SPPL2A: variants seen among roughly 807,000 people sequenced by gnomAD.
SPPL2A encodes signal peptide peptidase-like 2A.
SPPL2A carries 51 observed loss-of-function variants against 63.8 expected under a neutral mutation model. That is an observed-to-expected ratio of 0.80 (90% CI 0.64 to 1.01). The LOEUF (loss-of-function observed/expected upper bound fraction) is 1.01, where lower values mean the gene tolerates loss of function less well. Among genes scored for constraint, SPPL2A ranks in the 50% least tolerant of loss-of-function variants. SPPL2A has a pLI of 0.00. For missense variants in SPPL2A, 553 were observed against 622.7 expected (o/e 0.89, Z 1.19); for synonymous variants, 188 against 205.8 (o/e 0.91, Z 0.74).
chr15:50,749,661 G>T lies in SPPL2A; in HGVS notation c.152C>A (p.Ala51Asp). The part of the protein sequence containing the change: ...YCMLYNPYWT[A>D]LPSTLENATS... ...TGCATTTTCTAGGGTACTTGGAAGAGCTGTCCAATAAGGGTTATAAAGCAT... is the reference window on the plus strand; with the variant it reads ...TGCATTTTCTAGGGTACTTGGAAGATCTGTCCAATAAGGGTTATAAAGCAT... The change falls in exon 2 of 15, where the codon GCT becomes GAT. Residue 51 changes from alanine to aspartate, a missense_variant. Ala to Asp is a moderately radical substitution (Grantham distance 126). Coordinates refer to ENST00000261854, the MANE Select transcript of SPPL2A (RefSeq NM_032802.4). The T allele has an allele frequency of 6.2e-7, 1 of 1,604,524 alleles. No individual in the cohort carries two copies. The highest frequency in any genetic ancestry group is 8.5e-7 in the Non-Finnish European group (1 of 1,171,324).
At chr15:50,737,096 T>TA (rs1207765303) in intron 6 of SPPL2A, among the ~76,000 whole-genome samples, 2 of 152,064 alleles carry the variant, frequency 1.3e-5, no homozygotes, top group Non-Finnish European at 1.5e-5. Flanking sequence ...GTAGTTTTAG[T>TA]AGACGGGGTT....
rs544422967 is a variant in SPPL2A, at chr15:50,702,547, G to C, written c.*5253C>G. Reference sequence around the variant, plus strand: ...CATGTTTTAAAAAATGTTTTCATTTGAACAAAATGCAACAGAAGGTATAAA... The same window carrying C: ...CATGTTTTAAAAAATGTTTTCATTTCAACAAAATGCAACAGAAGGTATAAA... On this transcript the variant is annotated 3_prime_UTR_variant, in exon 15 of 15. Coordinates refer to ENST00000261854, the MANE Select transcript of SPPL2A (RefSeq NM_032802.4). The C allele has an allele frequency of 6.6e-6, 1 of 152,138 alleles. No homozygotes were observed. Among genetic ancestry groups the C allele is most frequent in the African/African-American group, 2.4e-5 (1 of 41,522 alleles). 9.4% of individuals were successfully genotyped at this position (152,138 alleles called of 1,614,324 possible). A position where few individuals can be genotyped will look rare whatever the true frequency, so the allele number is the denominator to read the frequency against.
chr15:50,736,278 A>C, intron 7 of SPPL2A, 76 bp from the exon 8 acceptor site: 1 of 863,338 alleles, frequency 1.2e-6, no homozygotes, highest in Non-Finnish European at 1.9e-6. Flanking sequence ...AGCAAATATT[A>C]ACCACAGTCA....
intron 11 of SPPL2A, chr15:50,725,611 A>G (rs1311631185): frequency 4.2e-6 from 1 of 239,314 alleles, no homozygotes; most frequent in Non-Finnish European, 8.2e-6. Context: ...TTCTGTTTTT[A>G]GTAGAGACAG....
rs142887229 is a variant in SPPL2A, at chr15:50,762,018, G to A, written c.66+3450C>T. ...GACTGCGTCCACACTGAGAAATAAAGTTCTGACCATTGTGACCCAGGGTCG... is the reference window on the plus strand; with the variant it reads ...GACTGCGTCCACACTGAGAAATAAAATTCTGACCATTGTGACCCAGGGTCG... On this transcript the variant is annotated intron_variant, in intron 1 of 14. Coordinates refer to ENST00000261854, the MANE Select transcript of SPPL2A (RefSeq NM_032802.4). Among the ~76,000 whole-genome samples the A allele has an allele frequency of 2.6e-3, 393 of 152,124 alleles. 7 individuals carry two copies. The South Asian group carries it at 0.033, about 13-fold the overall frequency.
In SPPL2A at chr15:50,707,420, T is replaced by A. The variant is rs907374446; in HGVS notation, c.*380A>T. 6.3e-6 allele frequency: 1 copy of A among 158,104 alleles called. No homozygotes were observed. Among genetic ancestry groups the A allele is most frequent in the African/African-American group, 2.4e-5 (1 of 41,578 alleles). The allele number at this position is 158,104 out of a possible 1,614,324, so 9.8% of individuals were successfully genotyped here. On this transcript the variant is annotated 3_prime_UTR_variant, in exon 15 of 15. Transcript: ENST00000261854. ...GCGTGAGCCACCGCGCCTGGCCAAT[T>A]TGCATAATTCTTTACAGTAAAACCC...
In SPPL2A at chr15:50,720,116, C is replaced by A; in HGVS notation, c.1328-16G>T. On this transcript the variant is annotated splice_polypyrimidine_tract_variant and intron_variant, in intron 13 of 14. Coordinates refer to ENST00000261854, the MANE Select transcript of SPPL2A (RefSeq NM_032802.4). ...ATAGCATAGGCTGCAAGAAGAATACCAAGCTATAAGTCATTTCTACATGTT... is the reference window on the plus strand; with the variant it reads ...ATAGCATAGGCTGCAAGAAGAATACAAAGCTATAAGTCATTTCTACATGTT... 6.3e-7 allele frequency: 1 copy of A among 1,597,106 alleles called. No individual in the cohort carries two copies. Among genetic ancestry groups the A allele is most frequent in the Non-Finnish European group, 8.5e-7 (1 of 1,173,866 alleles).
intron 14 of SPPL2A, among the ~76,000 whole-genome samples, chr15:50,713,255 C>T (rs2062573472): frequency 6.6e-6 from 1 of 151,236 alleles, no homozygotes; most frequent in African/African-American, 2.4e-5. Flanking sequence ...TGAAAAAATA[C>T]TCTTTCCTGA....
intron 10 of SPPL2A, among the ~76,000 whole-genome samples, chr15:50,728,858 G>T (rs62018804): frequency 6.8e-6 from 1 of 146,388 alleles, no homozygotes; most frequent in East Asian, 2.1e-4. Flanking sequence ...TCTGTTGCCC[G>T]GCTGGAGTGC....
At position 50,715,373 on chromosome 15, in the gene SPPL2A, T is replaced by C. The variant is rs573289312; in HGVS notation, c.1488+4567A>G. ...ACAAATGTAGCCCTTGGTTGAAATC[T>C]TTCCTTAACTACAATCCTGTGTCAG... On this transcript the variant is annotated intron_variant, in intron 14 of 14. Coordinates refer to ENST00000261854, the MANE Select transcript of SPPL2A (RefSeq NM_032802.4). Among the ~76,000 whole-genome samples, 8 of 152,240 alleles carry C rather than the reference T, an allele frequency of 5.3e-5. No individual in the cohort carries two copies. The East Asian group carries it at 1.3e-3, about 26-fold the overall frequency.
At chr15:50,726,183 G>A in intron 11 of SPPL2A, 138 bp downstream of exon 11, 1 of 1,471,572 alleles carries the variant, frequency 6.8e-7, no homozygotes, top group Non-Finnish European at 9.3e-7. Flanking sequence ...TAAGAAAAGA[G>A]CTATATTTTC....
chr15:50,728,916 C>A (rs983256079), intron 10 of SPPL2A, among the ~76,000 whole-genome samples: 4 of 151,548 alleles, frequency 2.6e-5, no homozygotes, highest in Non-Finnish European at 5.9e-5. Context: ...TGGGTTCAAG[C>A]GATTCTCCTG....
intron 14 of SPPL2A, among the ~76,000 whole-genome samples, chr15:50,714,386 C>T (rs1424415371): frequency 6.6e-6 from 1 of 152,154 alleles, no homozygotes; most frequent in Non-Finnish European, 1.5e-5. Context: ...AATCCCAGCA[C>T]TTTGGGAGGC....
chr15:50,736,126 AAAC>A lies in SPPL2A; in HGVS notation c.904_906del (p.Val302del), dbSNP rs1330977108. The A allele has an allele frequency of 1.5e-5, 24 of 1,612,084 alleles. No homozygotes were observed. Among genetic ancestry groups the A allele is most frequent in the Non-Finnish European group, 2.0e-5 (24 of 1,178,656 alleles). ...CTGTCTTCATTTCGAAACACAGCCCAAACAACAGCTACTGCTATGCACAGTCCA... is the reference window on the plus strand; with the variant it reads ...CTGTCTTCATTTCGAAACACAGCCCAAACAGCTACTGCTATGCACAGTCCA... On this transcript the variant is annotated inframe_deletion, in exon 8 of 15. Coordinates refer to ENST00000261854, the MANE Select transcript of SPPL2A (RefSeq NM_032802.4).
intron 14 of SPPL2A, among the ~76,000 whole-genome samples, chr15:50,715,701 G>C (rs1310749827): frequency 1.3e-5 from 2 of 151,964 alleles, no homozygotes; most frequent in African/African-American, 4.8e-5. Context: ...GCACTAATTT[G>C]TAATTAAGAT....
Position 50,765,477 on chromosome 15 carries a change from C to A in SPPL2A, c.57G>T (p.Leu19=). ...PAGAALLWGF[L]LQLTAAQEAI... is the part of the protein sequence containing the mutation. ...CTTCCCGCCCCCTTACCAGCTGGAG[C>A]AGGAAGCCCCAGAGTAGGGCGGCCC... Residue 19 remains leucine (L), a synonymous_variant, in exon 1 of 15, where the codon CTG becomes CTT. Transcript: ENST00000261854. 1 of 1,504,246 alleles carries A rather than the reference C, an allele frequency of 6.6e-7. No individual in the cohort carries two copies. The highest frequency in any genetic ancestry group is 8.8e-7 in the Non-Finnish European group (1 of 1,133,936). 93.2% of individuals were successfully genotyped at this position (1,504,246 alleles called of 1,614,324 possible). A position where few individuals can be genotyped will look rare whatever the true frequency, so the allele number is the denominator to read the frequency against.
intron 14 of SPPL2A, among the ~76,000 whole-genome samples, chr15:50,718,602 A>G (rs2062618834): frequency 6.6e-6 from 1 of 152,168 alleles, no homozygotes; most frequent in African/African-American, 2.4e-5. Flanking sequence ...TCTATGTATA[A>G]CAGTATAAGT....
At chr15:50,729,110 G>A (rs892139311) in intron 10 of SPPL2A, among the ~76,000 whole-genome samples, 3 of 152,094 alleles carry the variant, frequency 2.0e-5, no homozygotes, top group East Asian at 1.9e-4. Context: ...CACCGCACCC[G>A]GCCTCTTAAT....
intron 8 of SPPL2A, among the ~76,000 whole-genome samples, chr15:50,733,124 C>T (rs2062744003): frequency 6.6e-6 from 1 of 152,138 alleles, no homozygotes; most frequent in African/African-American, 2.4e-5. Flanking sequence ...TGCATTAACA[C>T]GTCTCGCTCT....
Sources: allele counts gnomAD v4.1 joint callset (sites outside exome capture counted in the v4.1 genomes callset), GRCh38; gene constraint gnomAD v4.1.1; transcripts MANE v1.5; gene names NCBI Gene and HGNC (gene_info 2026-07-23, HGNC 2026-07-21).